Variants in SLC71A2 observed in about 807,000 individuals in gnomAD.
The protein encoded by SLC71A2 is solute carrier family 71 member 2.
the SLC71A2 span, among the ~76,000 whole-genome samples, chr9:94,447,176 A>G: frequency 6.7e-6 from 1 of 150,298 alleles, no homozygotes; most frequent in Non-Finnish European, 1.5e-5. Context: ...GCAGAAACAT[A>G]ATTTATCTTT....
chr9:94,374,975 G>A, the SLC71A2 span: 2 of 1,218,902 alleles, frequency 1.6e-6, no homozygotes, highest in Non-Finnish European at 2.0e-6. Context: ...GGGAGGCTGG[G>A]TGGGGTCGCA....
At chr9:94,429,167 G>T in the SLC71A2 span, 1 of 1,605,750 alleles carries the variant, frequency 6.2e-7, no homozygotes, top group Non-Finnish European at 8.5e-7. Flanking sequence ...AATTTGTCTT[G>T]ATGTTTGTTT....
At chr9:94,421,431 A>G in the SLC71A2 span, among the ~76,000 whole-genome samples, 7 of 152,190 alleles carry the variant, frequency 4.6e-5, no homozygotes, top group African/African-American at 1.7e-4. Context: ...TTAATATTAT[A>G]TAAGTGGAAT....
the SLC71A2 span, among the ~76,000 whole-genome samples, chr9:94,447,242 C>T: frequency 1.3e-5 from 2 of 151,336 alleles, no homozygotes; most frequent in African/African-American, 2.4e-5. Context: ...TGCAATGGCA[C>T]GATCTTGGCT....
At chr9:94,440,851 A>T in the SLC71A2 span, 1 of 440,978 alleles carries the variant, frequency 2.3e-6, no homozygotes, top group Non-Finnish European at 4.1e-6. Flanking sequence ...TTTTTTTGAT[A>T]TATTTAAGTA....
the SLC71A2 span, chr9:94,446,996 C>T: frequency 2.3e-6 from 2 of 880,010 alleles, no homozygotes; most frequent in Non-Finnish European, 3.8e-6. Flanking sequence ...GGAGATTTGT[C>T]TAAAGATATT....
At chr9:94,443,858 C>G in the SLC71A2 span, among the ~76,000 whole-genome samples, 3 of 152,140 alleles carry the variant, frequency 2.0e-5, no homozygotes, top group Non-Finnish European at 4.4e-5. Context: ...AACCTGAGGG[C>G]AAGAGCTTTG....
chr9:94,428,746 T>C, the SLC71A2 span, among the ~76,000 whole-genome samples: 1 of 152,082 alleles, frequency 6.6e-6, no homozygotes, highest in African/African-American at 2.4e-5. Context: ...GATAAATACA[T>C]AATGCATGTA....
At chr9:94,386,452 A>G in the SLC71A2 span, among the ~76,000 whole-genome samples, 2 of 151,088 alleles carry the variant, frequency 1.3e-5, no homozygotes, top group African/African-American at 4.9e-5. Context: ...GCATAGGCTC[A>G]GAGTGACATC....
chr9:94,444,455 G>T, the SLC71A2 span, among the ~76,000 whole-genome samples: 47,037 of 152,092 alleles, frequency 0.31, 7,611 homozygotes, highest in Admixed American at 0.44. Context: ...ACCCCAGGCA[G>T]TGCTAATGAA....
At chr9:94,391,889 T>G in the SLC71A2 span, among the ~76,000 whole-genome samples, 1 of 151,182 alleles carries the variant, frequency 6.6e-6, no homozygotes, top group African/African-American at 2.4e-5. Context: ...CAAAAAAAAT[T>G]TTTTTTTTTG....
At chr9:94,376,434 C>G in the SLC71A2 span, among the ~76,000 whole-genome samples, 4 of 152,180 alleles carry the variant, frequency 2.6e-5, no homozygotes, top group Admixed American at 6.5e-5. Context: ...GTCAGTCCAC[C>G]TTGCACGTGG....
the SLC71A2 span, among the ~76,000 whole-genome samples, chr9:94,406,066 ATTTTT>A: frequency 4.7e-5 from 3 of 63,598 alleles, no homozygotes; most frequent in African/African-American, 7.5e-5. Context: ...TGCAACTTGA[ATTTTT>A]TTTTTTTTTT....
the SLC71A2 span, among the ~76,000 whole-genome samples, chr9:94,456,035 T>C: frequency 2.0e-5 from 3 of 152,318 alleles, no homozygotes; most frequent in South Asian, 6.2e-4. Context: ...CTGGCCCTTC[T>C]GTCCCCATCC....
At chr9:94,439,309 ATT>A in the SLC71A2 span, among the ~76,000 whole-genome samples, 28,363 of 146,272 alleles carry the variant, frequency 0.19, 2,860 homozygotes, top group Middle Eastern at 0.28. Context: ...GCGCAGCCCA[ATT>A]TTTTTTTTTT....
At chr9:94,415,790 G>A in the SLC71A2 span, among the ~76,000 whole-genome samples, 99 of 152,236 alleles carry the variant, frequency 6.5e-4, 1 homozygote, top group Non-Finnish European at 1.3e-3. Context: ...AACTCAGGTG[G>A]TAATGCTCGC....
chr9:94,382,596 C>A, the SLC71A2 span, among the ~76,000 whole-genome samples: 1 of 151,832 alleles, frequency 6.6e-6, no homozygotes, highest in Non-Finnish European at 1.5e-5. Context: ...TTTTATAGAT[C>A]AGGGTTTTGG....
At chr9:94,451,287 C>T in the SLC71A2 span, among the ~76,000 whole-genome samples, 2 of 152,180 alleles carry the variant, frequency 1.3e-5, no homozygotes, top group African/African-American at 2.4e-5. Flanking sequence ...CGATTTCTTA[C>T]ATCAGTTTTA....
chr9:94,407,709 T>G, the SLC71A2 span, among the ~76,000 whole-genome samples: 2 of 152,088 alleles, frequency 1.3e-5, no homozygotes, highest in Non-Finnish European at 2.9e-5. Context: ...TTGTCTGGCT[T>G]TTTTAGAGTA....
Sources: gnomAD v4.1 joint callset for allele counts (sites outside exome capture counted in the v4.1 genomes callset) on GRCh38, gnomAD v4.1.1 for gene constraint, MANE v1.5 for transcripts, NCBI Gene and HGNC (gene_info 2026-07-23, HGNC 2026-07-21) for gene names.